DNAH8: variants seen among roughly 807,000 people sequenced by gnomAD.
The protein encoded by DNAH8 is axonemal beta dynein heavy chain 8.
In DNAH8, 382 loss-of-function variants were observed where a neutral mutation model predicts 562.1. The observed-to-expected ratio is 0.68, with a 90% CI of 0.63 to 0.74. The LOEUF is 0.74. Ranked by LOEUF, DNAH8 falls within the 30% of genes least tolerant of loss-of-function variation. DNAH8 has a pLI of 0.00. For missense variants in DNAH8, 5,203 were observed against 5,620.4 expected (o/e 0.93, Z 2.37); for synonymous variants, 1,881 against 1,919.4 (o/e 0.98, Z 0.52).
Position 39,018,369 on chromosome 6 carries a change from T to G in DNAH8, c.13714+5732T>G, listed in dbSNP as rs115183560. 3.0e-3 allele frequency among the ~76,000 whole-genome samples: 458 copies of G among 152,298 alleles called. 1 individual carries two copies. Among genetic ancestry groups the G allele is most frequent in the African/African-American group, 0.01 (423 of 41,560 alleles). ...CCCTGATGACATCATTGCCCTTGAC[T>G]AGAGCTAGAATGCTGACTTTGAAAA... On this transcript the variant is annotated intron_variant, in intron 91 of 92. Transcript: ENST00000327475.
chr6:38,732,236 C>CT (rs1214640053), intron 4 of DNAH8, among the ~76,000 whole-genome samples: 1 of 152,142 alleles, frequency 6.6e-6, no homozygotes, highest in Non-Finnish European at 1.5e-5. Context: ...AAATCATTCC[C>CT]TATTGATGGT....
chr6:38,882,599 A>G (rs143526765), intron 53 of DNAH8, among the ~76,000 whole-genome samples: 3 of 152,208 alleles, frequency 2.0e-5, no homozygotes, highest in African/African-American at 7.2e-5. Flanking sequence ...TCAAAACACT[A>G]CTTATTGGGT....
intron 3 of DNAH8, among the ~76,000 whole-genome samples, chr6:38,725,653 C>T (rs183613262): frequency 7.2e-5 from 11 of 152,214 alleles, no homozygotes; most frequent in South Asian, 4.2e-4. Flanking sequence ...CAAAGTTCCC[C>T]GCTGGAATTT....
intron 25 of DNAH8, 150 bp from the exon 26 acceptor site, chr6:38,815,318 C>A: frequency 1.8e-6 from 1 of 563,414 alleles, no homozygotes; most frequent in Non-Finnish European, 3.1e-6. Flanking sequence ...CTGCATCCTC[C>A]CCATCTTCCT....
intron 5 of DNAH8, among the ~76,000 whole-genome samples, chr6:38,736,622 G>A (rs572944565): frequency 1.3e-5 from 2 of 152,028 alleles, no homozygotes; most frequent in South Asian, 4.2e-4. Context: ...GAAAGGTCAC[G>A]CATGGGTGGT....
chr6:38,950,484 G>A (rs1761814561), intron 81 of DNAH8, among the ~76,000 whole-genome samples: 1 of 150,768 alleles, frequency 6.6e-6, no homozygotes, highest in Admixed American at 6.6e-5. Flanking sequence ...CTGTCACCCA[G>A]GCTGGAGTGC....
In DNAH8 at chr6:38,951,479, C is replaced by G. The variant is rs763248784; in HGVS notation, c.12410C>G (p.Pro4137Arg). Residue 4137 changes from proline to arginine, a missense_variant, in exon 82 of 93, where the codon CCC becomes CGC. This residue lies in a region of DNAH8 where 1,399 missense variants were observed against 1,518.4 expected (regional missense o/e 0.92). Coordinates refer to ENST00000327475, the MANE Select transcript of DNAH8 (RefSeq NM_001206927.2). ...TGCTTCCTGTCCATGGGATCTGACCCCACCAATCAAATTGATGCATTGGCC... is the reference window on the plus strand; with the variant it reads ...TGCTTCCTGTCCATGGGATCTGACCGCACCAATCAAATTGATGCATTGGCC... ...LICFLSMGSD[P>R]TNQIDALAKK... 1 of 1,614,058 alleles carries G rather than the reference C, an allele frequency of 6.2e-7. No individual in the cohort carries two copies. Among genetic ancestry groups the G allele is most frequent in the Non-Finnish European group, 8.5e-7 (1 of 1,180,004 alleles).
chr6:38,966,668 G>A (rs1011429359), intron 82 of DNAH8, among the ~76,000 whole-genome samples: 1 of 152,126 alleles, frequency 6.6e-6, no homozygotes, highest in East Asian at 1.9e-4. Context: ...TATGAGATTG[G>A]TTAAACATAT....
intron 82 of DNAH8, among the ~76,000 whole-genome samples, chr6:38,953,464 T>C (rs10947767): frequency 0.14 from 21,405 of 152,228 alleles, 1,610 homozygotes; most frequent in Admixed American, 0.22. Flanking sequence ...CCTTTAGTGT[T>C]ATCATACTGC....
In DNAH8 at chr6:38,934,313, A is replaced by G. The variant is rs1458891679; in HGVS notation, c.11458-1279A>G. On this transcript the variant is annotated intron_variant, in intron 76 of 92. Coordinates refer to ENST00000327475, the MANE Select transcript of DNAH8 (RefSeq NM_001206927.2). Reference sequence around the variant, plus strand: ...GGTTGCAGTGAGCCGAGATCACACCACTGTATCCTAGCCTGGGTGTCAGAG... The same window carrying G: ...GGTTGCAGTGAGCCGAGATCACACCGCTGTATCCTAGCCTGGGTGTCAGAG... Among the ~76,000 whole-genome samples, 6 of 152,258 alleles carry G rather than the reference A, an allele frequency of 3.9e-5. No individual in the cohort carries two copies. The East Asian group carries it at 1.2e-3, about 29-fold the overall frequency.
intron 62 of DNAH8, among the ~76,000 whole-genome samples, chr6:38,903,054 G>A (rs1780179860): frequency 6.6e-6 from 1 of 152,080 alleles, no homozygotes; most frequent in South Asian, 2.1e-4. Flanking sequence ...AATTGCCTAT[G>A]GTATTCATTC....
Position 38,913,875 on chromosome 6 carries a change from G to C in DNAH8, c.9886G>C (p.Glu3296Gln). The C allele has an allele frequency of 6.2e-7, 1 of 1,613,218 alleles. No homozygotes were observed. The highest frequency in any genetic ancestry group is 1.3e-5 in the African/African-American group (1 of 75,006). The change falls in exon 67 of 93, where the codon GAA becomes CAA. Residue 3296 changes from glutamate (E) to glutamine (Q), a missense_variant. By Grantham distance (29) the Glu-to-Gln change is conservative (BLOSUM62 2). Transcript: ENST00000327475. ...TCTTGATAAACTAATGGAGGCAAGTGAATCTGTTGCTAAACTCTCTCAGGA... is the reference window on the plus strand; with the variant it reads ...TCTTGATAAACTAATGGAGGCAAGTCAATCTGTTGCTAAACTCTCTCAGGA... ...IGLDKLMEAS[E>Q]SVAKLSQDLA...
chr6:38,984,387 A>T (rs1161926318), intron 87 of DNAH8, 80 bp downstream of exon 87: 1 of 837,376 alleles, frequency 1.2e-6, no homozygotes, highest in South Asian at 1.4e-5. Flanking sequence ...TAGGTCTGCC[A>T]AACTCAAGCA....
chr6:38,814,687 G>A (rs1419098412), intron 25 of DNAH8, among the ~76,000 whole-genome samples: 2 of 152,130 alleles, frequency 1.3e-5, no homozygotes, highest in African/African-American at 4.8e-5. Context: ...CCTACAAATT[G>A]CCTTGCTTTT....
intron 88 of DNAH8, among the ~76,000 whole-genome samples, chr6:38,992,798 A>G (rs1764883549): frequency 2.0e-5 from 3 of 152,218 alleles, no homozygotes; most frequent in Admixed American, 1.3e-4. Flanking sequence ...TGTAAAAGCA[A>G]TTGGAGACAA....
intron 7 of DNAH8, 94 bp from the exon 8 acceptor site, chr6:38,741,617 A>T: frequency 9.3e-7 from 1 of 1,080,730 alleles, no homozygotes; most frequent in Non-Finnish European, 1.3e-6. Flanking sequence ...ATTGAACATT[A>T]TTTATACTTT....
chr6:38,872,547 G>C lies in DNAH8; in HGVS notation c.7002G>C (p.Thr2334=). 1.2e-6 allele frequency: 2 copies of C among 1,613,878 alleles called. No homozygotes were observed. The highest frequency in any genetic ancestry group is 1.7e-6 in the Non-Finnish European group (2 of 1,179,834). ...GGTTAATTGTGTAGTTATATGAGAC[G>C]TCTTTGGTACGGCATGGCTTGATGA... ...WNLKLVQLYE[T]SLVRHGLMTL... is the part of the protein sequence containing the mutation. The change falls in exon 50 of 93, where the codon ACG becomes ACC. Residue 2334 remains threonine, a synonymous_variant. Coordinates refer to ENST00000327475, the MANE Select transcript of DNAH8 (RefSeq NM_001206927.2).
intron 24 of DNAH8, among the ~76,000 whole-genome samples, chr6:38,811,068 C>T (rs1042415972): frequency 5.3e-5 from 8 of 152,120 alleles, no homozygotes; most frequent in Admixed American, 1.3e-4. Context: ...TTCTTTACCC[C>T]GTGTGGATTT....
At chr6:38,768,714 GT>G (rs780679701) in intron 11 of DNAH8, among the ~76,000 whole-genome samples, 27 of 152,040 alleles carry the variant, frequency 1.8e-4, no homozygotes, top group Non-Finnish European at 3.7e-4. Flanking sequence ...ACTAAACTTT[GT>G]CTTACTATAT....
Sources: allele counts gnomAD v4.1 joint callset (sites outside exome capture counted in the v4.1 genomes callset), GRCh38; gene constraint gnomAD v4.1.1; regional missense constraint gnomAD v4.1.1; transcripts MANE v1.5; gene names NCBI Gene and HGNC (gene_info 2026-07-23, HGNC 2026-07-21).